MAML3: variants seen among roughly 807,000 people sequenced by gnomAD.
MAML3 encodes mastermind-like protein 3.
A neutral mutation model predicts 101.9 loss-of-function variants in MAML3; 27 were observed. The observed-to-expected ratio is 0.27, with a 90% confidence interval of 0.20 to 0.37. The LOEUF (loss-of-function observed/expected upper bound fraction) is 0.37, where lower values mean the gene tolerates loss of function less well. Ranked by LOEUF, MAML3 falls within the 10% of genes least tolerant of loss-of-function variation. The pLI is 1.00. For missense variants in MAML3, 1,316 were observed against 1,444.9 expected (o/e 0.91, Z 1.45); for synonymous variants, 501 against 555.9 (o/e 0.90, Z 1.39).
chr4:139,949,771 T>G (rs1312962204), intron 1 of MAML3, among the ~76,000 whole-genome samples: 1 of 152,218 alleles, frequency 6.6e-6, no homozygotes, highest in African/African-American at 2.4e-5. Context: ...TTTTAGTTGT[T>G]AACTTGACTG....
In MAML3 at chr4:140,116,049, T is replaced by C. The variant is rs72935788; in HGVS notation, c.468+36811A>G. On this transcript the variant is annotated intron_variant, in intron 1 of 4. Transcript: ENST00000509479. The stretch of plus-strand genomic sequence containing the variant: ...TCCTTTAAGATCCTTTAGTTGGTAA[T>C]TTTATTTGCAATTATTTCATTGTTT... Among the ~76,000 whole-genome samples, 843 of 151,868 alleles carry C rather than the reference T, an allele frequency of 5.6e-3. 7 individuals are homozygous for C. Among genetic ancestry groups the C allele is most frequent in the African/African-American group, 0.019 (792 of 41,534 alleles).
rs886357775 is a variant in MAML3 at position 139,917,128 on chromosome 4, C to T, written c.469-26161G>A. ...CAAAGCTTTTCTCAGATTCTCAGTG[C>T]GGCCCATGACTCTCCAAAAGTTCAA... On this transcript the variant is annotated intron_variant, in intron 1 of 4. Coordinates refer to ENST00000509479, the MANE Select transcript of MAML3 (RefSeq NM_018717.5). Among the ~76,000 whole-genome samples the T allele has an allele frequency of 2.4e-4, 37 of 152,260 alleles. No homozygotes were observed. In the Middle Eastern group the frequency reaches 0.017, roughly 70 times the overall value.
At chr4:139,812,761 G>T (rs576671662) in intron 2 of MAML3, among the ~76,000 whole-genome samples, 1 of 152,108 alleles carries the variant, frequency 6.6e-6, no homozygotes, top group Non-Finnish European at 1.5e-5. Flanking sequence ...AATCACTGCC[G>T]CTTGAGAGTC....
chr4:140,071,140 A>T (rs1006475103), intron 1 of MAML3, among the ~76,000 whole-genome samples: 15 of 152,168 alleles, frequency 9.9e-5, no homozygotes, highest in Non-Finnish European at 1.8e-4. Flanking sequence ...CATTGTTGGG[A>T]GGACAAAAAC....
chr4:139,787,381 C>A (rs1466821160), intron 2 of MAML3, among the ~76,000 whole-genome samples: 6 of 152,198 alleles, frequency 3.9e-5, no homozygotes, highest in African/African-American at 1.4e-4. Flanking sequence ...TACCATGGGA[C>A]ACTAGAACCA....
At chr4:139,793,053 T>A (rs1489235564) in intron 2 of MAML3, among the ~76,000 whole-genome samples, 1 of 152,094 alleles carries the variant, frequency 6.6e-6, no homozygotes, top group Non-Finnish European at 1.5e-5. Context: ...GCAGAACTGG[T>A]TTTCTTTAAG....
chr4:139,842,762 C>T (rs867425318), intron 2 of MAML3, among the ~76,000 whole-genome samples: 12 of 30,930 alleles, frequency 3.9e-4, no homozygotes, highest in South Asian at 1.6e-3. Context: ...ATCCGCTTGC[C>T]TTTTTTTTTT....
intron 2 of MAML3, among the ~76,000 whole-genome samples, chr4:139,826,224 C>T (rs996533972): frequency 3.9e-5 from 6 of 152,046 alleles, no homozygotes; most frequent in African/African-American, 1.4e-4. Flanking sequence ...CTCAGCATCC[C>T]AGGTCAATGT....
intron 1 of MAML3, among the ~76,000 whole-genome samples, chr4:140,114,132 T>C (rs964052820): frequency 1.3e-5 from 2 of 152,230 alleles, no homozygotes; most frequent in African/African-American, 4.8e-5. Flanking sequence ...TTCCCTGCAC[T>C]CTCTGCCCTG....
chr4:139,893,720 T>C (rs889113272), intron 1 of MAML3, among the ~76,000 whole-genome samples: 2 of 152,164 alleles, frequency 1.3e-5, no homozygotes, highest in African/African-American at 4.8e-5. Flanking sequence ...TCCACTTAAC[T>C]GGACTCATTT....
chr4:139,942,015 A>G (rs1733610622), intron 1 of MAML3, among the ~76,000 whole-genome samples: 1 of 152,106 alleles, frequency 6.6e-6, no homozygotes, highest in Non-Finnish European at 1.5e-5. Context: ...GGCGCCTGTG[A>G]TCCCAGCTAC....
intron 1 of MAML3, among the ~76,000 whole-genome samples, chr4:140,023,113 A>G (rs1265442685): frequency 2.0e-5 from 3 of 152,132 alleles, no homozygotes; most frequent in African/African-American, 7.2e-5. Flanking sequence ...AAGCCTTTTG[A>G]CCATATAATC....
At chr4:140,131,245 A>C (rs1728788419) in intron 1 of MAML3, among the ~76,000 whole-genome samples, 1 of 152,214 alleles carries the variant, frequency 6.6e-6, no homozygotes, top group African/African-American at 2.4e-5. Flanking sequence ...AAAAATTTGA[A>C]ATCTGTTCCT....
At chr4:140,039,397 T>C (rs1211276320) in intron 1 of MAML3, among the ~76,000 whole-genome samples, 1 of 152,128 alleles carries the variant, frequency 6.6e-6, no homozygotes. Context: ...CCCACAGCCA[T>C]GGAACCATGG....
intron 2 of MAML3, among the ~76,000 whole-genome samples, chr4:139,870,574 C>T (rs1368703132): frequency 2.6e-5 from 4 of 152,186 alleles, no homozygotes; most frequent in African/African-American, 4.8e-5. Flanking sequence ...TCAGGGTCTT[C>T]GTTTCCTCAT....
chr4:140,078,419 G>A (rs111662133), intron 1 of MAML3, among the ~76,000 whole-genome samples: 204 of 152,268 alleles, frequency 1.3e-3, no homozygotes, highest in African/African-American at 4.4e-3. Context: ...CCCACACAGA[G>A]CTTTGAGGAA....
At position 139,764,871 on chromosome 4, in the gene MAML3, G is replaced by A. The variant is rs72730220; in HGVS notation, c.2080-34204C>T. Reference sequence around the variant, plus strand: ...AATGAGCTTGGCATGGCTCACTGCCGGCATCGCGGCCACACTCCTGCTTCA... The same window carrying A: ...AATGAGCTTGGCATGGCTCACTGCCAGCATCGCGGCCACACTCCTGCTTCA... On this transcript the variant is annotated intron_variant, in intron 2 of 4. Coordinates refer to ENST00000509479, the MANE Select transcript of MAML3 (RefSeq NM_018717.5). Among the ~76,000 whole-genome samples the A allele has an allele frequency of 6.0e-3, 915 of 152,300 alleles. 10 individuals are homozygous for A. The highest frequency in any genetic ancestry group is 8.4e-3 in the Non-Finnish European group (569 of 68,020).
At chr4:139,900,171 A>G (rs1732688896) in intron 1 of MAML3, among the ~76,000 whole-genome samples, 1 of 152,204 alleles carries the variant, frequency 6.6e-6, no homozygotes, top group Non-Finnish European at 1.5e-5. Context: ...TTAAAACTCT[A>G]TTCCCAAAAA....
chr4:139,918,015 G>A (rs769654), intron 1 of MAML3, among the ~76,000 whole-genome samples: 100,596 of 151,992 alleles, frequency 0.66, 33,947 homozygotes, highest in East Asian at 0.91. Context: ...TGTTTTCTCA[G>A]AATGGGTCAC....
Sources: gnomAD v4.1 joint callset for allele counts (sites outside exome capture counted in the v4.1 genomes callset) on GRCh38, gnomAD v4.1.1 for gene constraint, MANE v1.5 for transcripts, NCBI Gene and HGNC (gene_info 2026-07-23, HGNC 2026-07-21) for gene names.